KCNIP4: variants seen among roughly 807,000 people sequenced by gnomAD.
KCNIP4 encodes Kv channel-interacting protein 4.
A neutral mutation model predicts 34.0 loss-of-function variants in KCNIP4; 12 were observed. That is an observed-to-expected ratio of 0.35 (90% CI 0.23 to 0.57). KCNIP4 has a LOEUF of 0.57. Ranked by LOEUF, KCNIP4 falls within the 20% of genes least tolerant of loss-of-function variation. KCNIP4 has a pLI of 0.83. For missense variants in KCNIP4, 238 were observed against 311.7 expected, an observed-to-expected ratio of 0.76 and a Z score of 1.78; for synonymous variants, 124 against 102.2, an observed-to-expected ratio of 1.21 and a Z score of -1.29.
At chr4:20,968,675 G>A (rs1471292685) in intron 1 of KCNIP4, among the ~76,000 whole-genome samples, 1 of 151,540 alleles carries the variant, frequency 6.6e-6, no homozygotes, top group Non-Finnish European at 1.5e-5. Context: ...ACTGTCACAA[G>A]GGCAGAAAAC....
chr4:21,207,876 T>C (rs1756959217), intron 1 of KCNIP4, among the ~76,000 whole-genome samples: 1 of 147,488 alleles, frequency 6.8e-6, no homozygotes, highest in Non-Finnish European at 1.5e-5. Flanking sequence ...ATAGTCTGGC[T>C]CTATTGCCCA....
chr4:21,198,816 A>C (rs1341059422), intron 1 of KCNIP4, among the ~76,000 whole-genome samples: 1 of 152,180 alleles, frequency 6.6e-6, no homozygotes, highest in Non-Finnish European at 1.5e-5. Context: ...CCTATAGGCC[A>C]ATTGTTCTGC....
intron 1 of KCNIP4, among the ~76,000 whole-genome samples, chr4:21,894,919 G>A (rs908209567): frequency 3.3e-5 from 5 of 152,066 alleles, no homozygotes; most frequent in Admixed American, 1.3e-4. Context: ...TCTGAAGATC[G>A]ACTATCATTC....
At chr4:21,761,233 C>T (rs1452314576) in intron 1 of KCNIP4, among the ~76,000 whole-genome samples, 1 of 152,094 alleles carries the variant, frequency 6.6e-6, no homozygotes, top group Non-Finnish European at 1.5e-5. Flanking sequence ...TCTCAAGTAG[C>T]TGGTACTACA....
At chr4:21,925,489 G>T (rs1292429003) in intron 1 of KCNIP4, among the ~76,000 whole-genome samples, 1 of 152,100 alleles carries the variant, frequency 6.6e-6, no homozygotes, top group African/African-American at 2.4e-5. Context: ...ATCGTTGTTG[G>T]ACATTTAGGT....
chr4:21,491,476 G>T (rs1732393042), intron 1 of KCNIP4, among the ~76,000 whole-genome samples: 1 of 152,156 alleles, frequency 6.6e-6, no homozygotes, highest in African/African-American at 2.4e-5. Context: ...CTGGGTTCAA[G>T]TGATCCTTCT....
chr4:21,499,344 A>C (rs1008670691), intron 1 of KCNIP4, among the ~76,000 whole-genome samples: 2 of 151,778 alleles, frequency 1.3e-5, no homozygotes, highest in African/African-American at 4.8e-5. Context: ...AAAAAAAAAA[A>C]AACAACTACA....
chr4:21,722,702 C>A lies in KCNIP4; in HGVS notation c.61+225869G>T, dbSNP rs73115714. Among the ~76,000 whole-genome samples, 17 of 152,100 alleles carry A rather than the reference C, an allele frequency of 1.1e-4. No homozygotes were observed. The South Asian group carries it at 3.1e-3, about 28-fold the overall frequency. ...ATGGTTACTGCCGTGCTAGAGGGAGCGGATGGGTATCTGGTTCTCTTTGAT... is the reference window on the plus strand; with the variant it reads ...ATGGTTACTGCCGTGCTAGAGGGAGAGGATGGGTATCTGGTTCTCTTTGAT... On this transcript the variant is annotated intron_variant, in intron 1 of 8. Transcript: ENST00000382152.
intron 1 of KCNIP4, among the ~76,000 whole-genome samples, chr4:20,979,437 C>T (rs1472350654): frequency 1.9e-4 from 27 of 143,534 alleles, no homozygotes; most frequent in Admixed American, 1.4e-3. Flanking sequence ...CTCACTCTGT[C>T]GCCCAGGCTG....
chr4:20,839,660 G>A (rs1208844349), intron 3 of KCNIP4, among the ~76,000 whole-genome samples: 1 of 152,050 alleles, frequency 6.6e-6, no homozygotes, highest in African/African-American at 2.4e-5. Flanking sequence ...GGTGCTAATA[G>A]TGATAATGAT....
chr4:21,867,631 G>C (rs1030397063), intron 1 of KCNIP4, among the ~76,000 whole-genome samples: 2 of 152,152 alleles, frequency 1.3e-5, no homozygotes, highest in Non-Finnish European at 2.9e-5. Flanking sequence ...CAGAGATGCT[G>C]GAGCATCCCA....
chr4:21,286,339 C>T (rs1255364611), intron 1 of KCNIP4, among the ~76,000 whole-genome samples: 1 of 152,140 alleles, frequency 6.6e-6, no homozygotes, highest in East Asian at 1.9e-4. Context: ...ATTGGTTGAG[C>T]AGGGGAGAAT....
At chr4:21,036,657 C>T (rs923360118) in intron 1 of KCNIP4, among the ~76,000 whole-genome samples, 10 of 152,084 alleles carry the variant, frequency 6.6e-5, no homozygotes, top group African/African-American at 1.7e-4. Flanking sequence ...ATTGGGGAGG[C>T]GGAGGTTGCA....
intron 1 of KCNIP4, among the ~76,000 whole-genome samples, chr4:20,998,066 T>C (rs1737730809): frequency 6.6e-6 from 1 of 152,092 alleles, no homozygotes; most frequent in Non-Finnish European, 1.5e-5. Context: ...CTGGGATTCA[T>C]CCACATAAAG....
At chr4:21,606,489 G>A (rs948919321) in intron 1 of KCNIP4, among the ~76,000 whole-genome samples, 4 of 152,134 alleles carry the variant, frequency 2.6e-5, no homozygotes, top group African/African-American at 9.7e-5. Flanking sequence ...AGTCTGATGT[G>A]GGTCTCAGTG....
intron 1 of KCNIP4, among the ~76,000 whole-genome samples, chr4:20,898,640 G>A (rs1391823143): frequency 6.6e-6 from 1 of 152,152 alleles, no homozygotes; most frequent in African/African-American, 2.4e-5. Context: ...TGCTTTTACT[G>A]CTTTATATCT....
At chr4:20,839,249 C>T (rs1719428735) in intron 3 of KCNIP4, among the ~76,000 whole-genome samples, 1 of 151,892 alleles carries the variant, frequency 6.6e-6, no homozygotes, top group Non-Finnish European at 1.5e-5. Context: ...CATTAGACAT[C>T]CAGTGCTTAG....
chr4:20,742,775 T>G (rs1225021289), intron 5 of KCNIP4, among the ~76,000 whole-genome samples: 1 of 152,032 alleles, frequency 6.6e-6, no homozygotes, highest in South Asian at 2.1e-4. Flanking sequence ...AAGTCAAATT[T>G]TCCCTGTTTG....
chr4:20,917,860 CGACAGGTATGTG>C (rs1435909758), intron 1 of KCNIP4, among the ~76,000 whole-genome samples: 2 of 152,112 alleles, frequency 1.3e-5, no homozygotes, highest in African/African-American at 4.8e-5. Context: ...AACCCAATAA[CGACAGGTATGTG>C]GAAGAGATCG....
Sources: allele counts gnomAD v4.1 joint callset (sites outside exome capture counted in the v4.1 genomes callset), GRCh38; gene constraint gnomAD v4.1.1; transcripts MANE v1.5; gene names NCBI Gene and HGNC (gene_info 2026-07-23, HGNC 2026-07-21).